HEMK2: variants seen among roughly 807,000 people sequenced by gnomAD.
HEMK2 encodes HemK methyltransferase 2, ETF1 glutamine and histone H4 lysine.
chr21:28,641,291 G>A, the HEMK2 span, among the ~76,000 whole-genome samples: 1 of 152,164 alleles, frequency 6.6e-6, no homozygotes, highest in Non-Finnish European at 1.5e-5. Context: ...AAGAGTAATG[G>A]AAGGTGATGT....
chr21:28,826,623 A>T, the HEMK2 span, among the ~76,000 whole-genome samples: 1 of 152,198 alleles, frequency 6.6e-6, no homozygotes, highest in Admixed American at 6.5e-5. Context: ...ACTGTATAAA[A>T]ATAATAACAG....
At chr21:28,709,380 A>G in the HEMK2 span, among the ~76,000 whole-genome samples, 2 of 152,038 alleles carry the variant, frequency 1.3e-5, no homozygotes, top group Non-Finnish European at 2.9e-5. Flanking sequence ...AATTTAAAAT[A>G]TAAGTAGATT....
chr21:28,710,911 C>T, the HEMK2 span, among the ~76,000 whole-genome samples: 3 of 152,144 alleles, frequency 2.0e-5, no homozygotes, highest in Admixed American at 1.3e-4. Context: ...TGAGAAAATT[C>T]TCCTTTTTTA....
chr21:28,672,984 GAGAAAGAAAA>G, the HEMK2 span, among the ~76,000 whole-genome samples: 626 of 132,412 alleles, frequency 4.7e-3, 3 homozygotes, highest in Non-Finnish European at 7.5e-3. Context: ...TAAAAAAAGA[GAGAAAGAAAA>G]AGAAAGAGAA....
At chr21:28,882,239 A>T in the HEMK2 span, 6 of 1,611,594 alleles carry the variant, frequency 3.7e-6, no homozygotes, top group East Asian at 1.1e-4. Flanking sequence ...CTCAGGGTTG[A>T]TATCAGTGCA....
At chr21:28,711,253 T>C in the HEMK2 span, among the ~76,000 whole-genome samples, 2 of 152,228 alleles carry the variant, frequency 1.3e-5, no homozygotes, top group African/African-American at 4.8e-5. Flanking sequence ...TTCATTATTG[T>C]ATATGAGCAA....
At chr21:28,869,570 T>C in the HEMK2 span, among the ~76,000 whole-genome samples, 3 of 152,210 alleles carry the variant, frequency 2.0e-5, no homozygotes, top group African/African-American at 2.4e-5. Flanking sequence ...CCACTGGAAT[T>C]TGAAGTCACT....
At chr21:28,719,734 T>A in the HEMK2 span, among the ~76,000 whole-genome samples, 1 of 152,202 alleles carries the variant, frequency 6.6e-6, no homozygotes, top group Non-Finnish European at 1.5e-5. Flanking sequence ...CCCAGTAGCT[T>A]CTCAGCTGCC....
the HEMK2 span, among the ~76,000 whole-genome samples, chr21:28,629,860 C>T: frequency 6.6e-6 from 1 of 152,062 alleles, no homozygotes; most frequent in Admixed American, 6.5e-5. Flanking sequence ...GAAGGACAAG[C>T]TTAGTCCACT....
chr21:28,704,267 A>T, the HEMK2 span, among the ~76,000 whole-genome samples: 1 of 152,138 alleles, frequency 6.6e-6, no homozygotes, highest in Non-Finnish European at 1.5e-5. Context: ...CATAGAAAAC[A>T]CTTTTTCCCC....
chr21:28,824,378 A>G, the HEMK2 span, among the ~76,000 whole-genome samples: 5 of 152,196 alleles, frequency 3.3e-5, no homozygotes, highest in Non-Finnish European at 7.3e-5. Context: ...ATATCTTGCA[A>G]AAGACTTCAT....
the HEMK2 span, among the ~76,000 whole-genome samples, chr21:28,851,660 A>C: frequency 1.7e-4 from 26 of 152,212 alleles, no homozygotes; most frequent in African/African-American, 6.3e-4. Flanking sequence ...ATGTCTCACC[A>C]ATAAGTCCAG....
At chr21:28,595,555 T>C in the HEMK2 span, among the ~76,000 whole-genome samples, 2 of 152,214 alleles carry the variant, frequency 1.3e-5, no homozygotes, top group African/African-American at 4.8e-5. Flanking sequence ...GAATAAATAC[T>C]ACATTTTTTT....
At chr21:28,771,257 C>T in the HEMK2 span, among the ~76,000 whole-genome samples, 1 of 152,078 alleles carries the variant, frequency 6.6e-6, no homozygotes, top group Non-Finnish European at 1.5e-5. Flanking sequence ...ACTAATATTA[C>T]AATATTGGAA....
At chr21:28,728,206 T>C in the HEMK2 span, among the ~76,000 whole-genome samples, 2 of 152,372 alleles carry the variant, frequency 1.3e-5, no homozygotes, top group African/African-American at 4.8e-5. Context: ...ATTAACTATG[T>C]AGACACATCC....
At chr21:28,841,369 AAAT>A in the HEMK2 span, among the ~76,000 whole-genome samples, 1 of 19,856 alleles carries the variant, frequency 5.0e-5, no homozygotes, top group Non-Finnish European at 6.7e-5. Flanking sequence ...ATATTATATA[AAAT>A]ATTATATATA....
chr21:28,784,413 T>C, the HEMK2 span, among the ~76,000 whole-genome samples: 1 of 151,818 alleles, frequency 6.6e-6, no homozygotes, highest in Non-Finnish European at 1.5e-5. Context: ...ATCAGTGCTC[T>C]GTGTCTAGCT....
the HEMK2 span, among the ~76,000 whole-genome samples, chr21:28,657,293 G>A: frequency 6.6e-6 from 1 of 151,960 alleles, no homozygotes; most frequent in African/African-American, 2.4e-5. Flanking sequence ...AAAAAGGAAG[G>A]TCAAAGAACT....
At chr21:28,720,736 A>G in the HEMK2 span, among the ~76,000 whole-genome samples, 1 of 152,158 alleles carries the variant, frequency 6.6e-6, no homozygotes, top group African/African-American at 2.4e-5. Context: ...TCCATCTCAA[A>G]AAATACATAT....
Sources: allele counts gnomAD v4.1 joint callset (sites outside exome capture counted in the v4.1 genomes callset), GRCh38; gene constraint gnomAD v4.1.1; transcripts MANE v1.5; gene names NCBI Gene and HGNC (gene_info 2026-07-23, HGNC 2026-07-21).